The following TRPM3 variants were observed in gnomAD, a reference collection of about 807,000 sequenced individuals.
TRPM3 encodes long transient receptor potential channel 3.
A neutral mutation model predicts 181.2 loss-of-function variants in TRPM3; 77 were observed. The observed-to-expected ratio is 0.42, with a 90% CI of 0.35 to 0.51. TRPM3 has a LOEUF of 0.51. Ranked by LOEUF, TRPM3 falls within the 20% of genes least tolerant of loss-of-function variation. The pLI, the probability that TRPM3 is intolerant of heterozygous loss-of-function variation, is 0.01. For synonymous variants in TRPM3, 745 were observed against 796.4 expected, an observed-to-expected ratio of 0.94 and a Z score of 1.09; for missense variants, 1,759 against 2,196.7, an observed-to-expected ratio of 0.80 and a Z score of 3.98.
chr9:70,782,505 C>T (rs1180491632), intron 7 of TRPM3, among the ~76,000 whole-genome samples: 2 of 152,164 alleles, frequency 1.3e-5, no homozygotes, highest in Non-Finnish European at 2.9e-5. Flanking sequence ...AGCCTCTGTG[C>T]CTGACCCTTG....
At chr9:70,793,564 C>A (rs2086188179) in intron 6 of TRPM3, 1 of 468,444 alleles carries the variant, frequency 2.1e-6, no homozygotes, top group African/African-American at 2.0e-5. Flanking sequence ...TATATATACC[C>A]CTTTATGTAC....
intron 8 of TRPM3, among the ~76,000 whole-genome samples, chr9:70,692,381 AC>A (rs1469677817): frequency 6.6e-6 from 1 of 152,166 alleles, no homozygotes; most frequent in Non-Finnish European, 1.5e-5. Context: ...TTTAAAAATA[AC>A]CCCTAGAAGT....
At chr9:71,037,921 C>T (rs1389839942) in intron 1 of TRPM3, among the ~76,000 whole-genome samples, 6 of 152,172 alleles carry the variant, frequency 3.9e-5, no homozygotes, top group African/African-American at 1.2e-4. Context: ...AAATAAGTGG[C>T]ACAGCCATTG....
At chr9:71,219,093 G>C (rs1226692304) in intron 1 of TRPM3, among the ~76,000 whole-genome samples, 1 of 152,218 alleles carries the variant, frequency 6.6e-6, no homozygotes, top group East Asian at 1.9e-4. Context: ...TGTAACGATT[G>C]TGCTCAAAAT....
At chr9:71,404,275 G>C (rs1007964563) in intron 1 of TRPM3, among the ~76,000 whole-genome samples, 2 of 152,166 alleles carry the variant, frequency 1.3e-5, no homozygotes, top group African/African-American at 4.8e-5. Context: ...CAACACATAA[G>C]AGATATAAAT....
At chr9:71,012,519 T>C (rs1196242417) in intron 1 of TRPM3, among the ~76,000 whole-genome samples, 1 of 151,758 alleles carries the variant, frequency 6.6e-6, no homozygotes, top group Admixed American at 6.6e-5. Flanking sequence ...TACAGCCAAC[T>C]TGTTTACGTC....
At position 71,063,643 on chromosome 9, in the gene TRPM3, T is replaced by G. The variant is rs1591102881; in HGVS notation, c.177+57535A>C. Reference sequence around the variant, plus strand: ...AGTTAATAATGAGCATAAATGCACATTCAGGAGACATTCAGTAGACAAAGA... The same window carrying G: ...AGTTAATAATGAGCATAAATGCACAGTCAGGAGACATTCAGTAGACAAAGA... On this transcript the variant is annotated intron_variant, in intron 1 of 25. Transcript: ENST00000677713. Among the ~76,000 whole-genome samples the G allele has an allele frequency of 4.6e-5, 7 of 152,120 alleles. 1 individual carries two copies. The South Asian group carries it at 1.5e-3, about 32-fold the overall frequency.
At chr9:70,968,912 G>T (rs1386789744) in intron 1 of TRPM3, among the ~76,000 whole-genome samples, 1 of 152,022 alleles carries the variant, frequency 6.6e-6, no homozygotes, top group African/African-American at 2.4e-5. Context: ...AAAAATCCTA[G>T]AAGAAAATCT....
intron 1 of TRPM3, among the ~76,000 whole-genome samples, chr9:71,196,036 G>A (rs149493583): frequency 2.6e-5 from 4 of 152,016 alleles, no homozygotes; most frequent in African/African-American, 9.6e-5. Flanking sequence ...TAGTACCCGG[G>A]TGACGAAATA....
intron 1 of TRPM3, among the ~76,000 whole-genome samples, chr9:71,002,685 G>C (rs543626477): frequency 6.6e-6 from 1 of 151,872 alleles, no homozygotes. Context: ...TATTGAAATC[G>C]AAATCCAAAT....
chr9:71,067,850 C>A (rs151329580), intron 1 of TRPM3, among the ~76,000 whole-genome samples: 452 of 152,294 alleles, frequency 3.0e-3, no homozygotes, highest in African/African-American at 9.7e-3. Flanking sequence ...CCTGTCTCTG[C>A]CACTAATTAT....
rs144473298 is a variant in TRPM3 at position 70,879,855 on chromosome 9, T to G, written c.178-15344A>C. 1.7e-3 allele frequency among the ~76,000 whole-genome samples: 263 copies of G among 152,230 alleles called. 2 individuals are homozygous for G. The highest frequency in any genetic ancestry group is 6.1e-3 in the African/African-American group (255 of 41,552). ...AAGCACTGTCATTGAATTGACTGAGTGATTACACTGAATCACATGTGCAAT... is the reference window on the plus strand; with the variant it reads ...AAGCACTGTCATTGAATTGACTGAGGGATTACACTGAATCACATGTGCAAT... On this transcript the variant is annotated intron_variant, in intron 1 of 25. Transcript: ENST00000677713.
intron 1 of TRPM3, among the ~76,000 whole-genome samples, chr9:71,045,833 T>A (rs769018000): frequency 6.6e-6 from 1 of 152,140 alleles, no homozygotes; most frequent in Non-Finnish European, 1.5e-5. Flanking sequence ...ATGTTCAGGT[T>A]CTAACCCATA....
intron 1 of TRPM3, among the ~76,000 whole-genome samples, chr9:70,911,357 C>A (rs2096535650): frequency 6.6e-6 from 1 of 152,162 alleles, no homozygotes. Flanking sequence ...CCCCAAGGCT[C>A]CATTTAGGTG....
Position 71,250,807 on chromosome 9 carries a change from G to A in TRPM3, c.183+195846C>T, listed in dbSNP as rs539520486. The stretch of plus-strand genomic sequence containing the variant: ...TCCTAAGATTCATTGGGGGAGGGGA[G>A]GTAGGCAGAGTAGCTACAGGACAAC... On this transcript the variant is annotated intron_variant, in intron 1 of 24. Transcript: ENST00000357533. 1.5e-3 allele frequency among the ~76,000 whole-genome samples: 222 copies of A among 152,216 alleles called. 2 individuals are homozygous for A. The highest frequency in any genetic ancestry group is 2.4e-3 in the Non-Finnish European group (160 of 68,006).
At chr9:71,147,099 C>T (rs969879167) in intron 1 of TRPM3, among the ~76,000 whole-genome samples, 13 of 152,258 alleles carry the variant, frequency 8.5e-5, no homozygotes, top group South Asian at 4.1e-4. Context: ...GTAACACCAA[C>T]GTGGTTGTCC....
intron 1 of TRPM3, among the ~76,000 whole-genome samples, chr9:71,306,735 G>A (rs909801362): frequency 6.6e-6 from 1 of 152,104 alleles, no homozygotes; most frequent in Non-Finnish European, 1.5e-5. Flanking sequence ...TTAGCTGGGT[G>A]TGGTAATGCG....
At chr9:71,174,638 G>A (rs1417996626) in intron 1 of TRPM3, among the ~76,000 whole-genome samples, 1 of 152,062 alleles carries the variant, frequency 6.6e-6, no homozygotes, top group African/African-American at 2.4e-5. Flanking sequence ...GTTGAAACTG[G>A]GGAATGCTAA....
At chr9:70,620,455 T>TAG in intron 15 of TRPM3, 90 bp from the exon 16 acceptor site, 2 of 1,392,728 alleles carry the variant, frequency 1.4e-6, no homozygotes, top group South Asian at 1.3e-5. Flanking sequence ...CCCAGCTAGC[T>TAG]CTGGGATCAA....
Sources: allele counts gnomAD v4.1 joint callset (sites outside exome capture counted in the v4.1 genomes callset), GRCh38; gene constraint gnomAD v4.1.1; transcripts MANE v1.5; gene names NCBI Gene and HGNC (gene_info 2026-07-23, HGNC 2026-07-21).